EPHA6: variants seen among roughly 807,000 people sequenced by gnomAD.
EPHA6 encodes ephrin type-A receptor 6.
Under a neutral mutation model 112.0 loss-of-function variants are expected in EPHA6, and 50 were observed. The observed-to-expected ratio is 0.45, with a 90% confidence interval of 0.36 to 0.56. The LOEUF is 0.56. Among genes scored for constraint, EPHA6 ranks in the 20% least tolerant of loss-of-function variants. EPHA6 has a pLI of 0.00. For synonymous variants in EPHA6, 529 were observed against 490.7 expected, an observed-to-expected ratio of 1.08 and a Z score of -1.03; for missense variants, 1,280 against 1,417.4, an observed-to-expected ratio of 0.90 and a Z score of 1.56.
At chr3:97,413,680 A>T (rs375171637) in intron 6 of EPHA6, among the ~76,000 whole-genome samples, 2 of 152,030 alleles carry the variant, frequency 1.3e-5, no homozygotes, top group South Asian at 4.1e-4. Context: ...TCAGTTCCCA[A>T]GCTTTACTTT....
intron 3 of EPHA6, among the ~76,000 whole-genome samples, chr3:96,993,243 C>T (rs905356706): frequency 6.6e-6 from 1 of 151,798 alleles, no homozygotes; most frequent in Non-Finnish European, 1.5e-5. Flanking sequence ...GAGAACAAAG[C>T]CCAAATATGT....
At chr3:97,443,177 CAGAG>C (rs1282300325) in intron 6 of EPHA6, among the ~76,000 whole-genome samples, 1 of 151,764 alleles carries the variant, frequency 6.6e-6, no homozygotes, top group African/African-American at 2.4e-5. Flanking sequence ...GTGAGTGTGA[CAGAG>C]AGGCAGGGTG....
At chr3:97,101,516 G>C (rs1397514404) in intron 3 of EPHA6, among the ~76,000 whole-genome samples, 1 of 151,978 alleles carries the variant, frequency 6.6e-6, no homozygotes, top group East Asian at 1.9e-4. Flanking sequence ...AAAAGGCCCA[G>C]TGTGTCTCCT....
At chr3:96,816,137 C>A (rs986498351) in intron 1 of EPHA6, among the ~76,000 whole-genome samples, 68 of 152,272 alleles carry the variant, frequency 4.5e-4, no homozygotes, top group Middle Eastern at 3.4e-3. Flanking sequence ...CAGCATTCTT[C>A]TTTGTCATCA....
intron 6 of EPHA6, chr3:97,441,341 TA>T (rs1350590178): frequency 4.5e-6 from 2 of 445,248 alleles, no homozygotes; most frequent in Non-Finnish European, 5.9e-6. Flanking sequence ...GAGAAAAACA[TA>T]AAATTCACTT....
At chr3:97,691,663 T>C (rs922454249) in intron 14 of EPHA6, among the ~76,000 whole-genome samples, 2 of 152,218 alleles carry the variant, frequency 1.3e-5, no homozygotes, top group African/African-American at 2.4e-5. Flanking sequence ...AGGAAAAGTA[T>C]ATTTTTGAAT....
intron 6 of EPHA6, among the ~76,000 whole-genome samples, chr3:97,436,158 G>A (rs1303912507): frequency 6.6e-6 from 1 of 152,064 alleles, no homozygotes; most frequent in Non-Finnish European, 1.5e-5. Context: ...CAAAATCAGT[G>A]ATGAAGTTAG....
chr3:97,016,876 G>T (rs545568002), intron 3 of EPHA6, among the ~76,000 whole-genome samples: 6 of 152,154 alleles, frequency 3.9e-5, no homozygotes, highest in African/African-American at 1.4e-4. Flanking sequence ...GTAACTGGAT[G>T]TATCAGTACT....
chr3:97,165,577 G>T (rs1170337324), intron 3 of EPHA6, among the ~76,000 whole-genome samples: 1 of 152,036 alleles, frequency 6.6e-6, no homozygotes, highest in Non-Finnish European at 1.5e-5. Context: ...GCAGAAAAGA[G>T]TCAGGGTATA....
intron 11 of EPHA6, among the ~76,000 whole-genome samples, chr3:97,583,952 A>G (rs2093465241): frequency 6.6e-6 from 1 of 152,236 alleles, no homozygotes; most frequent in Non-Finnish European, 1.5e-5. Context: ...CTTCTTAGAT[A>G]AAAGAACTTT....
chr3:96,832,473 T>C (rs1052431369), intron 1 of EPHA6, among the ~76,000 whole-genome samples: 3 of 152,062 alleles, frequency 2.0e-5, no homozygotes, highest in African/African-American at 7.2e-5. Flanking sequence ...TAAGGAAATA[T>C]GTAGGTGGCC....
At chr3:97,346,435 T>C (rs1042382658) in intron 5 of EPHA6, among the ~76,000 whole-genome samples, 1 of 152,136 alleles carries the variant, frequency 6.6e-6, no homozygotes, top group Non-Finnish European at 1.5e-5. Context: ...GTCTTCAAAG[T>C]AGACGTTTAT....
At chr3:97,430,199 C>A (rs1249063742) in intron 6 of EPHA6, among the ~76,000 whole-genome samples, 3 of 151,950 alleles carry the variant, frequency 2.0e-5, no homozygotes, top group African/African-American at 4.8e-5. Flanking sequence ...TAGTCTATGC[C>A]TCATGAATAA....
At chr3:97,333,020 T>C (rs1014435743) in intron 5 of EPHA6, among the ~76,000 whole-genome samples, 3 of 152,102 alleles carry the variant, frequency 2.0e-5, no homozygotes, top group Non-Finnish European at 4.4e-5. Flanking sequence ...AGTAGGAAAT[T>C]GCATTAATCC....
chr3:97,161,684 G>T (rs2076419329), intron 3 of EPHA6, among the ~76,000 whole-genome samples: 1 of 151,888 alleles, frequency 6.6e-6, no homozygotes, highest in African/African-American at 2.4e-5. Context: ...GGGATATCTT[G>T]ATATGCTCTA....
chr3:97,326,652 G>A (rs555881352), intron 5 of EPHA6, among the ~76,000 whole-genome samples: 2 of 152,126 alleles, frequency 1.3e-5, no homozygotes, highest in South Asian at 2.1e-4. Flanking sequence ...AAGTTTCAGC[G>A]TTTTAGGTTT....
At chr3:97,028,418 G>A (rs2044715233) in intron 3 of EPHA6, among the ~76,000 whole-genome samples, 1 of 152,038 alleles carries the variant, frequency 6.6e-6, no homozygotes, top group South Asian at 2.1e-4. Context: ...CCTTTCTTTT[G>A]TCTTCTTTAA....
chr3:96,977,067 G>C (rs544731096), intron 2 of EPHA6, among the ~76,000 whole-genome samples: 17 of 152,274 alleles, frequency 1.1e-4, no homozygotes, highest in East Asian at 3.9e-4. Context: ...GGGATTAACT[G>C]AGGTTAAGAG....
intron 2 of EPHA6, among the ~76,000 whole-genome samples, chr3:96,982,771 G>A (rs986293726): frequency 3.3e-5 from 5 of 152,154 alleles, no homozygotes; most frequent in African/African-American, 1.2e-4. Flanking sequence ...AAGACAGTTA[G>A]CTCTTCTTGT....
Sources: gnomAD v4.1 joint callset for allele counts (sites outside exome capture counted in the v4.1 genomes callset) on GRCh38, gnomAD v4.1.1 for gene constraint, MANE v1.5 for transcripts, NCBI Gene and HGNC (gene_info 2026-07-23, HGNC 2026-07-21) for gene names.